The following ARHGAP12 variants were observed in gnomAD, a reference collection of about 807,000 sequenced individuals.
ARHGAP12 encodes rho GTPase-activating protein 12.
Under a neutral mutation model 108.6 loss-of-function variants are expected in ARHGAP12, and 64 were observed. That is an observed-to-expected ratio of 0.59 (90% confidence interval 0.48 to 0.73). The LOEUF is 0.73. Ranked by LOEUF, ARHGAP12 falls within the 30% of genes least tolerant of loss-of-function variation. The pLI, the probability that ARHGAP12 is intolerant of heterozygous loss-of-function variation, is 0.00. For synonymous variants in ARHGAP12, 312 were observed against 337.2 expected, an observed-to-expected ratio of 0.93 and a Z score of 0.82; for missense variants, 940 against 1,005.9, an observed-to-expected ratio of 0.93 and a Z score of 0.89.
chr10:31,891,846 G>A (rs1377691076), intron 3 of ARHGAP12, among the ~76,000 whole-genome samples: 4 of 152,004 alleles, frequency 2.6e-5, no homozygotes, highest in Admixed American at 2.0e-4. Context: ...CTCCATCACT[G>A]ATACCTCTTC....
intron 3 of ARHGAP12, among the ~76,000 whole-genome samples, chr10:31,872,642 C>T (rs1165043503): frequency 1.3e-5 from 2 of 152,108 alleles, no homozygotes; most frequent in African/African-American, 2.4e-5. Context: ...ATTTCTTTGC[C>T]TCATCCAGTT....
rs141382423 is a variant in ARHGAP12 at position 31,850,763 on chromosome 10, A to G, written c.1170+1754T>C. On this transcript the variant is annotated intron_variant, in intron 6 of 19. Coordinates refer to ENST00000344936, the MANE Select transcript of ARHGAP12 (RefSeq NM_018287.7). ...AAAACTTAACTTTAAAAAACTTGCT[A>G]GAGTATCACAACTGCTAAGCTATGG... Among the ~76,000 whole-genome samples, 60 of 152,302 alleles carry G rather than the reference A, an allele frequency of 3.9e-4. No individual in the cohort carries two copies. The East Asian group carries it at 0.011, about 27-fold the overall frequency.
chr10:31,836,514 G>A (rs933160009), intron 9 of ARHGAP12, among the ~76,000 whole-genome samples: 1 of 152,100 alleles, frequency 6.6e-6, no homozygotes. Flanking sequence ...TTTATATTAA[G>A]GGACGAAATT....
At chr10:31,839,594 A>C in intron 8 of ARHGAP12, 43 bp downstream of exon 8, 1 of 1,495,564 alleles carries the variant, frequency 6.7e-7, no homozygotes, top group Non-Finnish European at 9.1e-7. Flanking sequence ...AATTGATTGA[A>C]ATAACTGGAC....
intron 3 of ARHGAP12, among the ~76,000 whole-genome samples, chr10:31,880,793 G>A (rs1837919066): frequency 6.6e-6 from 1 of 151,930 alleles, no homozygotes; most frequent in Admixed American, 6.6e-5. Flanking sequence ...CTGGCCGGGA[G>A]TGGTGGCTCA....
At chr10:31,846,464 C>A (rs975753635) in intron 6 of ARHGAP12, among the ~76,000 whole-genome samples, 3 of 152,086 alleles carry the variant, frequency 2.0e-5, no homozygotes, top group Admixed American at 1.3e-4. Context: ...TACTTTTATT[C>A]CTGAAGGATA....
chr10:31,807,875 G>C (rs1412493), intron 19 of ARHGAP12, 43 bp from the exon 20 acceptor site: 289,802 of 1,382,368 alleles, frequency 0.21, 33,307 homozygotes, highest in East Asian at 0.5. Context: ...AAATAAGAGA[G>C]AGGGAAAATT....
In ARHGAP12 at chr10:31,865,585, A is replaced by C. The variant is rs183870371; in HGVS notation, c.685-3927T>G. On this transcript the variant is annotated intron_variant, in intron 3 of 19. Transcript: ENST00000344936. ...GGAACTCAGTTCCCAATTTACAAAAATCAGGGCTGGCCAGGCGCGGCGACT... is the reference window on the plus strand; with the variant it reads ...GGAACTCAGTTCCCAATTTACAAAACTCAGGGCTGGCCAGGCGCGGCGACT... 5.8e-3 allele frequency among the ~76,000 whole-genome samples: 880 copies of C among 152,134 alleles called. 5 individuals carry two copies. Among genetic ancestry groups the C allele is most frequent in the Non-Finnish European group, 9.3e-3 (631 of 67,972 alleles).
At chr10:31,912,421 T>C (rs940975622) in intron 1 of ARHGAP12, among the ~76,000 whole-genome samples, 2 of 152,104 alleles carry the variant, frequency 1.3e-5, no homozygotes, top group African/African-American at 2.4e-5. Context: ...GGGACAACAA[T>C]GAGTTAAAGG....
intron 3 of ARHGAP12, among the ~76,000 whole-genome samples, chr10:31,894,153 CA>C (rs1838576795): frequency 6.6e-6 from 1 of 152,164 alleles, no homozygotes; most frequent in Admixed American, 6.5e-5. Flanking sequence ...AGTGAATGGG[CA>C]AAAACTGGAA....
Position 31,813,996 on chromosome 10 carries a change from T to C in ARHGAP12, c.1834+263A>G, listed in dbSNP as rs529282559. On this transcript the variant is annotated intron_variant, in intron 14 of 19. Coordinates refer to ENST00000344936, the MANE Select transcript of ARHGAP12 (RefSeq NM_018287.7). Reference sequence around the variant, plus strand: ...AGCTTCCTAGAGGCCTCAACAGAAATGCACTATACTTCTTCTCTGAAAGTA... The same window carrying C: ...AGCTTCCTAGAGGCCTCAACAGAAACGCACTATACTTCTTCTCTGAAAGTA... 5.3e-5 allele frequency among the ~76,000 whole-genome samples: 8 copies of C among 152,302 alleles called. No individual in the cohort carries two copies. In the East Asian group the frequency reaches 1.3e-3, roughly 26 times the overall value.
intron 6 of ARHGAP12, among the ~76,000 whole-genome samples, chr10:31,846,845 T>C (rs868741665): frequency 6.6e-6 from 1 of 151,728 alleles, no homozygotes; most frequent in African/African-American, 2.4e-5. Context: ...GGAACTCCAA[T>C]GAAAGGAAGG....
At chr10:31,856,894 T>C (rs1451301184) in intron 4 of ARHGAP12, among the ~76,000 whole-genome samples, 1 of 152,204 alleles carries the variant, frequency 6.6e-6, no homozygotes, top group African/African-American at 2.4e-5. Flanking sequence ...TAGTCTTCAC[T>C]GGATCCTTCA....
intron 3 of ARHGAP12, among the ~76,000 whole-genome samples, chr10:31,872,183 CTAAA>C (rs1197365966): frequency 2.0e-5 from 3 of 152,214 alleles, no homozygotes; most frequent in African/African-American, 4.8e-5. Flanking sequence ...TTTTATATAA[CTAAA>C]TAATCTATCA....
intron 1 of ARHGAP12, among the ~76,000 whole-genome samples, chr10:31,927,937 C>T (rs976818369): frequency 7.2e-5 from 11 of 152,204 alleles, no homozygotes; most frequent in African/African-American, 2.2e-4. Flanking sequence ...AATTCAAGGA[C>T]TTTGAGGAGA....
intron 3 of ARHGAP12, among the ~76,000 whole-genome samples, chr10:31,867,917 T>C (rs1262479776): frequency 1.3e-5 from 2 of 151,626 alleles, no homozygotes; most frequent in East Asian, 3.9e-4. Flanking sequence ...AAAAAAAATC[T>C]GGCCAGGCAC....
intron 14 of ARHGAP12, 60 bp from the exon 15 acceptor site, chr10:31,812,883 T>C: frequency 1.1e-6 from 1 of 935,826 alleles, no homozygotes; most frequent in South Asian, 1.6e-5. Context: ...TGATACAAGT[T>C]TTTCCAGCTA....
chr10:31,810,619 TAAA>T, intron 16 of ARHGAP12, 27 bp downstream of exon 16: 10 of 1,308,034 alleles, frequency 7.6e-6, no homozygotes, highest in South Asian at 1.5e-5. Flanking sequence ...TGCTTAATGT[TAAA>T]AAAAAAAATC....
intron 13 of ARHGAP12, among the ~76,000 whole-genome samples, chr10:31,814,716 C>A (rs1835138712): frequency 6.6e-6 from 1 of 152,126 alleles, no homozygotes; most frequent in African/African-American, 2.4e-5. Flanking sequence ...GAGCTACATT[C>A]TCTGACAACA....
Sources: gnomAD v4.1 joint callset for allele counts (sites outside exome capture counted in the v4.1 genomes callset) on GRCh38, gnomAD v4.1.1 for gene constraint, MANE v1.5 for transcripts, NCBI Gene and HGNC (gene_info 2026-07-23, HGNC 2026-07-21) for gene names.